PRUNE2: variants seen among roughly 807,000 people sequenced by gnomAD.
PRUNE2 encodes prune homolog 2 with BCH domain.
A neutral mutation model predicts 252.0 loss-of-function variants in PRUNE2; 164 were observed. That is an observed-to-expected ratio of 0.65 (90% confidence interval 0.57 to 0.74). The LOEUF (loss-of-function observed/expected upper bound fraction) is 0.74. PRUNE2 is among the 30% of genes least tolerant of loss of function. The pLI is 0.00. For synonymous variants in PRUNE2, 1,292 were observed against 1,350.2 expected (o/e 0.96, Z 0.94); for missense variants, 3,495 against 3,711.0 (o/e 0.94, Z 1.51).
chr9:76,879,466 G>A (rs1259145340), intron 1 of PRUNE2, among the ~76,000 whole-genome samples: 1 of 152,066 alleles, frequency 6.6e-6, no homozygotes, highest in Non-Finnish European at 1.5e-5. Context: ...CAAACCAGGA[G>A]ATATTAGCAA....
chr9:76,774,460 T>TATTTA (rs1564272674), intron 6 of PRUNE2, among the ~76,000 whole-genome samples: 19 of 138,656 alleles, frequency 1.4e-4, no homozygotes, highest in Non-Finnish European at 1.4e-4. Context: ...CTTTTTTTTT[T>TATTTA]TTTTTTTTTT....
intron 1 of PRUNE2, among the ~76,000 whole-genome samples, chr9:76,868,247 A>G (rs111660654): frequency 4.3e-4 from 66 of 152,316 alleles, no homozygotes; most frequent in African/African-American, 1.4e-3. Flanking sequence ...ATGGAGAAAA[A>G]CATCCAAAAT....
chr9:76,864,401 A>C (rs573796242), intron 1 of PRUNE2, among the ~76,000 whole-genome samples: 1 of 152,284 alleles, frequency 6.6e-6, no homozygotes, highest in South Asian at 2.1e-4. Flanking sequence ...AGCAGCACCT[A>C]ATACACCCAT....
At position 76,788,567 on chromosome 9, in the gene PRUNE2, T is replaced by C. The variant is rs770726286; in HGVS notation, c.756+35065A>G. On this transcript the variant is annotated intron_variant, in intron 6 of 18. Transcript: ENST00000376718. ...ATGGGGGTGTTGACAACAATGACAG[T>C]GTGTGGCAAGTATTGAATAAATGCA... The C allele has an allele frequency of 3.4e-5, 24 of 715,196 alleles. 1 individual carries two copies. The highest frequency in any genetic ancestry group is 2.5e-4 in the South Asian group (17 of 67,196). 44.3% of individuals were successfully genotyped at this position (715,196 alleles called of 1,614,324 possible).
At chr9:76,666,547 G>T (rs1036255872) in intron 9 of PRUNE2, among the ~76,000 whole-genome samples, 7 of 152,118 alleles carry the variant, frequency 4.6e-5, no homozygotes, top group African/African-American at 1.4e-4. Flanking sequence ...CTCTCTCTCT[G>T]CCTTGGCTGC....
chr9:76,788,552 T>G (rs2055248832), intron 6 of PRUNE2: 1 of 716,760 alleles, frequency 1.4e-6, no homozygotes. Context: ...ATGGGGGTGT[T>G]GACAACAATG....
chr9:76,626,776 C>T (rs1341208786), intron 16 of PRUNE2, among the ~76,000 whole-genome samples: 1 of 152,106 alleles, frequency 6.6e-6, no homozygotes, highest in South Asian at 2.1e-4. Flanking sequence ...CTTTGTGTAC[C>T]CTGTTTGCAT....
At chr9:76,812,808 C>T (rs374714295) in intron 6 of PRUNE2, among the ~76,000 whole-genome samples, 7 of 152,296 alleles carry the variant, frequency 4.6e-5, no homozygotes, top group Non-Finnish European at 5.9e-5. Flanking sequence ...AGTCTAATTT[C>T]GCAGTGCTGT....
intron 6 of PRUNE2, among the ~76,000 whole-genome samples, chr9:76,781,305 G>T (rs998871159): frequency 6.6e-6 from 1 of 152,086 alleles, no homozygotes; most frequent in Non-Finnish European, 1.5e-5. Flanking sequence ...TGGCCTGGGA[G>T]GGCTTGAAGG....
At chr9:76,873,522 GATCGCTGGT>G (rs959638998) in intron 1 of PRUNE2, among the ~76,000 whole-genome samples, 1 of 152,080 alleles carries the variant, frequency 6.6e-6, no homozygotes, top group African/African-American at 2.4e-5. Context: ...CTTTTCAAGG[GATCGCTGGT>G]AAATCTCCCA....
At chr9:76,633,800 T>C (rs964337882) in intron 15 of PRUNE2, among the ~76,000 whole-genome samples, 3 of 151,884 alleles carry the variant, frequency 2.0e-5, no homozygotes, top group Non-Finnish European at 4.4e-5. Flanking sequence ...CAGTTTTTCC[T>C]ATATAATGGA....
At chr9:76,837,280 A>G (rs1013888266) in intron 4 of PRUNE2, among the ~76,000 whole-genome samples, 1 of 152,042 alleles carries the variant, frequency 6.6e-6, no homozygotes, top group Admixed American at 6.5e-5. Flanking sequence ...CGTCTCTACT[A>G]AAAATACAAA....
chr9:76,705,773 C>T lies in PRUNE2; in HGVS notation c.6501G>A (p.Val2167=). The change falls in exon 8 of 19, where the codon GTG becomes GTA. Residue 2167 remains valine, a synonymous_variant. Coordinates refer to ENST00000376718, the MANE Select transcript of PRUNE2 (RefSeq NM_015225.3). ...NAELDSENAT[V]LPPIGYQADI... ...CTGCTTGATAGCCAATTGGAGGCAG[C>T]ACAGTTGCGTTTTCAGAATCGAGTT... The T allele has an allele frequency of 6.2e-7, 1 of 1,613,900 alleles. No individual in the cohort carries two copies. The highest frequency in any genetic ancestry group is 1.3e-5 in the African/African-American group (1 of 75,022).
Position 76,705,447 on chromosome 9 carries a change from T to C in PRUNE2, c.6827A>G (p.Glu2276Gly), listed in dbSNP as rs2046243745. 2.5e-6 allele frequency: 4 copies of C among 1,613,972 alleles called. No homozygotes were observed. Among genetic ancestry groups the C allele is most frequent in the South Asian group, 2.2e-5 (2 of 91,088 alleles). The change falls in exon 8 of 19, where the codon GAG becomes GGG. Residue 2276 changes from glutamate (E) to glycine (G), a missense_variant. Physicochemically the swap from Glu to Gly is moderately conservative, Grantham distance 98. Transcript: ENST00000376718. The stretch of plus-strand genomic sequence containing the variant: ...AGCATCAGGAACCAAGGCAGGATTC[T>C]CTGTGGATAAATGTGGATCACCATC... Reference protein sequence around the residue: ...LFDGDPHLSTENPALVPDALL... With the variant: ...LFDGDPHLSTGNPALVPDALL...
At chr9:76,618,021 T>C (rs907359514) in intron 18 of PRUNE2, among the ~76,000 whole-genome samples, 3 of 152,232 alleles carry the variant, frequency 2.0e-5, no homozygotes, top group African/African-American at 7.2e-5. Context: ...CTTGAAGCAA[T>C]TGTTATCTTC....
intron 6 of PRUNE2, among the ~76,000 whole-genome samples, chr9:76,746,711 CAAAAAAAAAAAAAAAAA>C (rs57001696): frequency 5.3e-5 from 4 of 76,134 alleles, no homozygotes; most frequent in Non-Finnish European, 9.3e-5. Flanking sequence ...GACTCCGTCT[CAAAAAAAAAAAAAAAAA>C]AAAAAAAAAA....
At chr9:76,893,410 C>T (rs566540609) in intron 1 of PRUNE2, among the ~76,000 whole-genome samples, 3 of 152,302 alleles carry the variant, frequency 2.0e-5, no homozygotes, top group East Asian at 1.9e-4. Context: ...ACACAAGGAA[C>T]CCTGATGGCT....
At chr9:76,856,333 A>G (rs2060248961) in intron 1 of PRUNE2, 1 of 152,248 alleles carries the variant, frequency 6.6e-6, no homozygotes, top group South Asian at 2.1e-4. Flanking sequence ...GCAAGACTTC[A>G]GACATTTGTG....
At position 76,848,943 on chromosome 9, in the gene PRUNE2, G is replaced by A. The variant is rs117758067; in HGVS notation, c.344+1520C>T. On this transcript the variant is annotated intron_variant, in intron 3 of 18. Transcript: ENST00000376718. ...AGGGTCTCGCTCTGTCATCTAGGCT[G>A]GAGGGCAGTGGTGTAATCACAGCTC... is the stretch of plus-strand genomic sequence containing the variant. Among the ~76,000 whole-genome samples, 1,424 of 152,278 alleles carry A rather than the reference G, an allele frequency of 9.4e-3. 16 individuals carry two copies. Among genetic ancestry groups the A allele is most frequent in the South Asian group, 0.051 (244 of 4,816 alleles).
Sources: allele counts gnomAD v4.1 joint callset (sites outside exome capture counted in the v4.1 genomes callset), GRCh38; gene constraint gnomAD v4.1.1; transcripts MANE v1.5; gene names NCBI Gene and HGNC (gene_info 2026-07-23, HGNC 2026-07-21).